CHN2: variants seen among roughly 807,000 people sequenced by gnomAD.
The protein encoded by CHN2 is chimerin 2.
In CHN2, 35 loss-of-function variants were observed where a neutral mutation model predicts 56.3. The ratio of observed to expected loss-of-function variants is 0.62; its 90% CI spans 0.47 to 0.82. The LOEUF (loss-of-function observed/expected upper bound fraction) is 0.82, where lower values mean the gene tolerates loss of function less well. Ranked by LOEUF, CHN2 falls within the 40% of genes least tolerant of loss-of-function variation. CHN2 has a pLI of 0.00. For missense variants in CHN2, 491 were observed against 580.5 expected, an observed-to-expected ratio of 0.85 and a Z score of 1.58; for synonymous variants, 210 against 212.8, an observed-to-expected ratio of 0.99 and a Z score of 0.12.
At chr7:29,349,302 C>A (rs184669589) in intron 1 of CHN2, among the ~76,000 whole-genome samples, 1 of 152,242 alleles carries the variant, frequency 6.6e-6, no homozygotes, top group Admixed American at 6.5e-5. Context: ...ACAGATTAAG[C>A]ATTATAAATA....
At chr7:29,273,633 C>G (rs186654091) in intron 1 of CHN2, among the ~76,000 whole-genome samples, 46 of 151,820 alleles carry the variant, frequency 3.0e-4, no homozygotes, top group African/African-American at 1.0e-3. Flanking sequence ...TACATTCCCC[C>G]CAACATTATA....
At chr7:29,293,080 G>A in intron 1 of CHN2, 1 of 451,108 alleles carries the variant, frequency 2.2e-6, no homozygotes, top group Non-Finnish European at 4.5e-6. Context: ...CAAAGACAGA[G>A]CTGTCAGGAG....
intron 6 of CHN2, among the ~76,000 whole-genome samples, chr7:29,464,021 C>T (rs1785372842): frequency 6.6e-6 from 1 of 152,212 alleles, no homozygotes; most frequent in Non-Finnish European, 1.5e-5. Context: ...ACCTTTTCCA[C>T]TCCCCACAGT....
intron 1 of CHN2, among the ~76,000 whole-genome samples, chr7:29,227,098 T>C (rs182772157): frequency 1.4e-3 from 212 of 152,338 alleles, no homozygotes; most frequent in African/African-American, 4.7e-3. Context: ...TCTACTTCAG[T>C]GTCTAGTGTA....
At chr7:29,368,827 T>G (rs1343803956) in intron 3 of CHN2, among the ~76,000 whole-genome samples, 1 of 152,294 alleles carries the variant, frequency 6.6e-6, no homozygotes, top group East Asian at 1.9e-4. Context: ...TAATACATTT[T>G]TCTACATAAA....
chr7:29,511,176 T>TTGAGATTTTTATTTAAACAGTAGGTAC lies in CHN2; in HGVS notation c.1236-1374_1236-1373insAAACAGTAGGTACTGAGATTTTTATTT, dbSNP rs1353137629. 1.8e-4 allele frequency among the ~76,000 whole-genome samples: 27 copies of TTGAGATTTTTATTTAAACAGTAGGTAC among 152,350 alleles called. No individual in the cohort carries two copies. The East Asian group carries it at 3.5e-3, about 20-fold the overall frequency. ...CGGAGGACTGTATAAACAGTAGGTA[T>TTGAGATTTTTATTTAAACAGTAGGTAC]TGAGATTTTTATTTTTCTACCTTAT... is the stretch of plus-strand genomic sequence containing the variant. On this transcript the variant is annotated intron_variant, in intron 12 of 12. Coordinates refer to ENST00000222792, the MANE Select transcript of CHN2 (RefSeq NM_004067.4).
At chr7:29,149,984 T>C (rs939805627) in intron 2 of CHN2, among the ~76,000 whole-genome samples, 2 of 152,242 alleles carry the variant, frequency 1.3e-5, no homozygotes, top group Admixed American at 6.5e-5. Flanking sequence ...CAATAGATAT[T>C]TTTAGCCCTT....
At chr7:29,292,155 G>A (rs1316825391) in intron 1 of CHN2, among the ~76,000 whole-genome samples, 6 of 152,166 alleles carry the variant, frequency 3.9e-5, no homozygotes, top group African/African-American at 1.4e-4. Context: ...GGAGGCAGAG[G>A]ATGGAGCGAG....
chr7:29,386,978 G>C (rs1800962297), intron 3 of CHN2, among the ~76,000 whole-genome samples: 1 of 152,238 alleles, frequency 6.6e-6, no homozygotes, highest in Admixed American at 6.5e-5. Flanking sequence ...GCGCTGATTA[G>C]TATCTACTGG....
chr7:29,157,229 A>T (rs1424961673), intron 2 of CHN2, among the ~76,000 whole-genome samples: 1 of 152,110 alleles, frequency 6.6e-6, no homozygotes, highest in Non-Finnish European at 1.5e-5. Context: ...CTGAGTGGGG[A>T]GGAAAAAAAG....
At chr7:29,242,442 G>A (rs1051973418) in intron 1 of CHN2, among the ~76,000 whole-genome samples, 4 of 152,148 alleles carry the variant, frequency 2.6e-5, no homozygotes, top group African/African-American at 9.7e-5. Context: ...TGGCTGTGAT[G>A]TCAACACTGT....
intron 2 of CHN2, among the ~76,000 whole-genome samples, chr7:29,164,654 G>T (rs1795655299): frequency 6.6e-6 from 1 of 151,740 alleles, no homozygotes; most frequent in African/African-American, 2.4e-5. Context: ...GGTGGCATAT[G>T]CCTGTAATCC....
rs114373999 is a variant in CHN2, at chr7:29,258,710, A to C, written c.49+63720A>C. ...CCTGCTACAAAAGCGTGAGACCCACAAAATAACAGAGATAAAAACATAAAA... is the reference window on the plus strand; with the variant it reads ...CCTGCTACAAAAGCGTGAGACCCACCAAATAACAGAGATAAAAACATAAAA... On this transcript the variant is annotated intron_variant, in intron 1 of 12. Transcript: ENST00000222792. Among the ~76,000 whole-genome samples the C allele has an allele frequency of 4.8e-3, 724 of 152,356 alleles. 5 individuals are homozygous for C. Among genetic ancestry groups the C allele is most frequent in the African/African-American group, 0.017 (689 of 41,588 alleles).
At chr7:29,239,162 G>T (rs1484207768) in intron 1 of CHN2, among the ~76,000 whole-genome samples, 1 of 152,212 alleles carries the variant, frequency 6.6e-6, no homozygotes, top group Non-Finnish European at 1.5e-5. Context: ...GGAGATGATT[G>T]CTCAGGCCAG....
upstream of CHN2, chr7:29,193,596 G>T (rs995085388): frequency 6.6e-6 from 1 of 152,062 alleles, no homozygotes; most frequent in African/African-American, 2.4e-5. Flanking sequence ...CGATTAGCCC[G>T]CTGGGAGCGT....
In CHN2 at chr7:29,301,342, TACACACACACACACACACACACAC is replaced by T. The variant is rs10570363; in HGVS notation, c.50-53259_50-53236del. Reference sequence around the variant, plus strand: ...ATTTGAAAGCAGGGCCTCAAACAGGTACACACACACACACACACACACACACACACACACACACACACACACAGT... The same window carrying T: ...ATTTGAAAGCAGGGCCTCAAACAGGTACACACACACACACACACACACAGT... On this transcript the variant is annotated intron_variant, in intron 1 of 12. Coordinates refer to ENST00000222792, the MANE Select transcript of CHN2 (RefSeq NM_004067.4). Among the ~76,000 whole-genome samples, 7 of 141,598 alleles carry T rather than the reference TACACACACACACACACACACACAC, an allele frequency of 4.9e-5. 1 individual carries two copies. Among genetic ancestry groups the T allele is most frequent in the African/African-American group, 1.8e-4 (7 of 37,932 alleles). The allele number at this position is 141,598 out of a possible 152,430, so 92.9% of individuals were successfully genotyped here. A position where few individuals can be genotyped will look rare whatever the true frequency, so the allele number is the denominator to read the frequency against.
chr7:29,402,979 T>A (rs999755315), intron 6 of CHN2, among the ~76,000 whole-genome samples: 2 of 152,028 alleles, frequency 1.3e-5, no homozygotes, highest in Non-Finnish European at 2.9e-5. Flanking sequence ...AAACGGTAAA[T>A]CAAGAAAATA....
chr7:29,252,301 G>A (rs1057218963), intron 1 of CHN2, among the ~76,000 whole-genome samples: 2 of 145,830 alleles, frequency 1.4e-5, no homozygotes, highest in African/African-American at 2.5e-5. Context: ...AGATTCTTCT[G>A]CCTCAGCCTC....
At chr7:29,346,878 T>G (rs942297238) in intron 1 of CHN2, among the ~76,000 whole-genome samples, 1 of 152,194 alleles carries the variant, frequency 6.6e-6, no homozygotes, top group Non-Finnish European at 1.5e-5. Context: ...TCCTTTACAC[T>G]TGCTCCTCAG....
Sources: allele counts gnomAD v4.1 joint callset (sites outside exome capture counted in the v4.1 genomes callset), GRCh38; gene constraint gnomAD v4.1.1; transcripts MANE v1.5; gene names NCBI Gene and HGNC (gene_info 2026-07-23, HGNC 2026-07-21).